The following ANKH variants were observed in gnomAD, a reference collection of about 807,000 sequenced individuals.
ANKH encodes mineralization regulator ANKH.
ANKH carries 15 observed loss-of-function variants against 49.0 expected under a neutral mutation model. The ratio of observed to expected loss-of-function variants is 0.31; its 90% CI spans 0.20 to 0.47. The LOEUF (loss-of-function observed/expected upper bound fraction) is 0.47, where lower values mean the gene tolerates loss of function less well. Ranked by LOEUF, ANKH falls within the 20% of genes least tolerant of loss-of-function variation. The pLI is 1.00. For synonymous variants in ANKH, 273 were observed against 260.0 expected, an observed-to-expected ratio of 1.05 and a Z score of -0.48; for missense variants, 429 against 652.0, an observed-to-expected ratio of 0.66 and a Z score of 3.72.
intron 1 of ANKH, among the ~76,000 whole-genome samples, chr5:14,840,718 C>G (rs543215252): frequency 6.6e-6 from 1 of 152,332 alleles, no homozygotes; most frequent in East Asian, 1.9e-4. Flanking sequence ...CAAAATTCTA[C>G]TGACACATCA....
intron 1 of ANKH, among the ~76,000 whole-genome samples, chr5:14,827,473 G>A (rs906525483): frequency 2.0e-5 from 3 of 152,194 alleles, no homozygotes; most frequent in South Asian, 2.1e-4. Flanking sequence ...GAGACATGCC[G>A]CTGTGGCATT....
intron 1 of ANKH, among the ~76,000 whole-genome samples, chr5:14,865,750 T>C (rs2126635491): frequency 6.6e-6 from 1 of 152,292 alleles, no homozygotes; most frequent in Admixed American, 6.5e-5. Flanking sequence ...TGGGAGGAGG[T>C]GTGGAGAGGG....
chr5:14,806,585 C>T (rs1740716521), intron 1 of ANKH, among the ~76,000 whole-genome samples: 1 of 152,272 alleles, frequency 6.6e-6, no homozygotes, highest in Non-Finnish European at 1.5e-5. Flanking sequence ...AGGTCACGCT[C>T]CTCCTGCTCA....
chr5:14,749,176 G>T lies in ANKH; in HGVS notation c.818C>A (p.Thr273Lys). 1 of 1,614,006 alleles carries T rather than the reference G, an allele frequency of 6.2e-7. No individual in the cohort carries two copies. The highest frequency in any genetic ancestry group is 8.5e-7 in the Non-Finnish European group (1 of 1,179,892). ...CATCCCCAAAGCATGGCCCACCTCT[G>T]TGGCTGCAGAACTGCCACCAAGGTC... ...SRDLGGSSAA[T>K]EAVAILTATY... Residue 273 changes from threonine to lysine, a missense_variant, in exon 6 of 12, where the codon ACA becomes AAA. Around this residue, in one of 2 missense-constraint regions of ANKH, gnomAD observed 378 missense variants for 615.3 expected, o/e 0.61. Coordinates refer to ENST00000284268, the MANE Select transcript of ANKH (RefSeq NM_054027.6).
At chr5:14,798,236 T>G in intron 1 of ANKH, 2 of 1,602,682 alleles carry the variant, frequency 1.2e-6, no homozygotes, top group Non-Finnish European at 1.7e-6. Context: ...TCCCTTCTGG[T>G]CTGGTTACAT....
chr5:14,750,656 T>A (rs559207257), intron 5 of ANKH, among the ~76,000 whole-genome samples: 1 of 152,202 alleles, frequency 6.6e-6, no homozygotes. Context: ...GGATTGGCCA[T>A]TGAAGAAAGC....
rs1554007591 is a variant in ANKH at position 14,809,354 on chromosome 5, A to AG, written c.97-40164_97-40163insC. The stretch of plus-strand genomic sequence containing the variant: ...GTATAATAAAAAAAAAAAAAAAAAA[A>AG]AAAGAAAAAAAAAGAAATGGAAATA... On this transcript the variant is annotated intron_variant, in intron 1 of 11. Transcript: ENST00000284268. 5.4e-3 allele frequency among the ~76,000 whole-genome samples: 701 copies of AG among 130,218 alleles called. 1 individual carries two copies. The highest frequency in any genetic ancestry group is 0.017 in the South Asian group (61 of 3,648). The allele number at this position is 130,218 out of a possible 152,430, so 85.4% of individuals were successfully genotyped here.
intron 1 of ANKH, among the ~76,000 whole-genome samples, chr5:14,817,782 TA>T (rs1741082024): frequency 2.0e-5 from 3 of 152,148 alleles, no homozygotes; most frequent in Non-Finnish European, 4.4e-5. Context: ...CTGTAAAGAA[TA>T]AAGGGTTCAC....
chr5:14,746,481 C>T (rs192887942), intron 6 of ANKH, among the ~76,000 whole-genome samples: 4 of 152,214 alleles, frequency 2.6e-5, no homozygotes, highest in Admixed American at 1.3e-4. Flanking sequence ...TAATGATCTG[C>T]GTGGGGCCAG....
At chr5:14,811,532 T>C (rs1265999220) in intron 1 of ANKH, among the ~76,000 whole-genome samples, 1 of 152,236 alleles carries the variant, frequency 6.6e-6, no homozygotes, top group African/African-American at 2.4e-5. Flanking sequence ...AAGAGTATTC[T>C]GATAATGGTA....
chr5:14,784,573 G>A (rs1739913981), intron 1 of ANKH, among the ~76,000 whole-genome samples: 1 of 152,174 alleles, frequency 6.6e-6, no homozygotes, highest in African/African-American at 2.4e-5. Context: ...TACCTAGTTT[G>A]GGGAACTGTA....
intron 1 of ANKH, chr5:14,870,582 G>C (rs10065666): frequency 0.4 from 60,653 of 152,262 alleles, 12,860 homozygotes; most frequent in Middle Eastern, 0.54. Flanking sequence ...GCTGCATCCC[G>C]CTGGTGGCCC....
chr5:14,851,928 T>C (rs1742132711), intron 1 of ANKH, among the ~76,000 whole-genome samples: 1 of 152,250 alleles, frequency 6.6e-6, no homozygotes, highest in Admixed American at 6.5e-5. Context: ...AATCAATGGA[T>C]ACAGTTAGGT....
intron 2 of ANKH, chr5:14,768,627 T>C: frequency 3.0e-6 from 1 of 328,174 alleles, no homozygotes; most frequent in East Asian, 6.7e-5. Context: ...TCTATTTTTA[T>C]TCTTAAGATT....
At chr5:14,731,117 C>T (rs891049) in intron 8 of ANKH, among the ~76,000 whole-genome samples, 12 of 152,186 alleles carry the variant, frequency 7.9e-5, no homozygotes, top group Middle Eastern at 3.4e-3. Context: ...TGTCGTCCTC[C>T]GGGGGCAGCG....
rs200410815 is a variant in ANKH, at chr5:14,712,959, G to A, written c.1280C>T (p.Thr427Ile). 5.0e-6 allele frequency: 8 copies of A among 1,613,074 alleles called. No individual in the cohort carries two copies. The highest frequency in any genetic ancestry group is 6.8e-6 in the Non-Finnish European group (8 of 1,179,790). The change falls in exon 11 of 12, where the codon ACC becomes ATC. Residue 427 changes from threonine (T) to isoleucine (I), a missense_variant. Coordinates refer to ENST00000284268, the MANE Select transcript of ANKH (RefSeq NM_054027.6). Reference protein sequence around the residue: ...VLPYLGVHGATLGVGSLLAGF... With the variant: ...VLPYLGVHGAILGVGSLLAGF... ...CGCCAGGAGGGAGCCCACGCCCAGG[G>A]TCGCACCGTGCACCCTGCAGATGAG...
intron 7 of ANKH, among the ~76,000 whole-genome samples, 156 bp from the exon 8 acceptor site, chr5:14,742,078 C>T (rs1043805721): frequency 6.6e-6 from 1 of 152,190 alleles, no homozygotes; most frequent in African/African-American, 2.4e-5. Flanking sequence ...TGTTGAGTGT[C>T]TCTCGGGCAG....
chr5:14,809,335 T>TAAAAAAAAAAAAAAAAAAAA (rs36119317), intron 1 of ANKH, among the ~76,000 whole-genome samples: 3 of 80,854 alleles, frequency 3.7e-5, no homozygotes, highest in African/African-American at 4.9e-5. Context: ...TAGAGTATAA[T>TAAAAAAAAAAAAAAAAAAAA]AAAAAAAAAA....
chr5:14,763,038 C>T (rs1387399322), intron 2 of ANKH, among the ~76,000 whole-genome samples: 8 of 152,224 alleles, frequency 5.3e-5, no homozygotes, highest in East Asian at 1.9e-4. Flanking sequence ...TTCAGATCCA[C>T]GGGTCCACTG....
Sources: allele counts gnomAD v4.1 joint callset (sites outside exome capture counted in the v4.1 genomes callset), GRCh38; gene constraint gnomAD v4.1.1; regional missense constraint gnomAD v4.1.1; transcripts MANE v1.5; gene names NCBI Gene and HGNC (gene_info 2026-07-23, HGNC 2026-07-21).